The following KLHL13 variants were observed in gnomAD, a reference collection of about 807,000 sequenced individuals.
KLHL13 encodes kelch-like protein 13.
A neutral mutation model predicts 37.1 loss-of-function variants in KLHL13; 10 were observed. The ratio of observed to expected loss-of-function variants is 0.27; its 90% CI spans 0.17 to 0.46. The LOEUF is 0.46. Ranked by LOEUF, KLHL13 falls within the 20% of genes least tolerant of loss-of-function variation. The pLI is 1.00. For missense variants in KLHL13, 360 were observed against 509.3 expected (o/e 0.71, Z 2.82); for synonymous variants, 163 against 181.2 (o/e 0.90, Z 0.81).
At chrX:118,108,374 G>A (rs1024340213) in intron 1 of KLHL13, among the ~76,000 whole-genome samples, 2 of 112,108 alleles carry the variant, frequency 1.8e-5, no homozygotes, top group African/African-American at 6.5e-5. Context: ...CTGCAATAAT[G>A]AAAATCAGTT....
At chrX:117,930,976 T>C (rs1362039983) in intron 2 of KLHL13, among the ~76,000 whole-genome samples, 2 of 111,849 alleles carry the variant, frequency 1.8e-5, no homozygotes, top group Non-Finnish European at 3.8e-5. Context: ...GATCATAATG[T>C]TGAGAAAAAA....
chrX:118,003,400 A>C (rs1420795196), intron 1 of KLHL13, among the ~76,000 whole-genome samples: 1 of 111,620 alleles, frequency 9.0e-6, no homozygotes, highest in East Asian at 2.8e-4. Flanking sequence ...GTTTATATTT[A>C]TCACTGCTGT....
At chrX:118,100,838 C>G (rs2055280202) in intron 1 of KLHL13, among the ~76,000 whole-genome samples, 1 of 111,648 alleles carries the variant, frequency 9.0e-6, no homozygotes, top group Admixed American at 9.6e-5. Flanking sequence ...ATATCAAAAT[C>G]CTACCCAGTG....
At chrX:118,057,478 T>G (rs1208448773) in intron 1 of KLHL13, among the ~76,000 whole-genome samples, 4 of 112,286 alleles carry the variant, frequency 3.6e-5, no homozygotes, top group African/African-American at 1.3e-4. Flanking sequence ...AATAGATAAT[T>G]TGGACTTAAT....
chrX:118,107,730 TAGC>T (rs759107000), intron 1 of KLHL13, among the ~76,000 whole-genome samples: 2 of 111,449 alleles, frequency 1.8e-5, no homozygotes, highest in South Asian at 7.7e-4. Context: ...TTCAAGATCA[TAGC>T]CATTAAGCTC....
chrX:118,112,099 C>T (rs1341791760), intron 1 of KLHL13, among the ~76,000 whole-genome samples: 5 of 111,766 alleles, frequency 4.5e-5, no homozygotes, highest in Non-Finnish European at 9.4e-5. Flanking sequence ...TGGCCTAGCT[C>T]CAGAGCTTGA....
chrX:118,019,801 G>A (rs1265869707), intron 1 of KLHL13, among the ~76,000 whole-genome samples: 181 of 103,514 alleles, frequency 1.7e-3, no homozygotes, highest in African/African-American at 6.4e-3. Flanking sequence ...TCAGATAGTT[G>A]TAGATATGAG....
intron 1 of KLHL13, among the ~76,000 whole-genome samples, chrX:118,077,809 C>T (rs995256273): frequency 1.8e-5 from 2 of 111,084 alleles, no homozygotes; most frequent in African/African-American, 6.5e-5. Flanking sequence ...CAATTGTATT[C>T]ATAGTCATAG....
intron 4 of KLHL13, among the ~76,000 whole-genome samples, chrX:117,912,277 T>A (rs1931042156): frequency 9.0e-6 from 1 of 111,693 alleles, no homozygotes; most frequent in Admixed American, 9.5e-5. Flanking sequence ...AGTATGCAAA[T>A]TCTCATCATT....
At chrX:117,983,733 A>G (rs1287140231) in intron 1 of KLHL13, among the ~76,000 whole-genome samples, 1 of 111,980 alleles carries the variant, frequency 8.9e-6, no homozygotes, top group Non-Finnish European at 1.9e-5. Flanking sequence ...ACCCTTAACT[A>G]GAAAGCCATA....
At chrX:117,911,946 A>G (rs1931021630) in intron 4 of KLHL13, among the ~76,000 whole-genome samples, 1 of 112,319 alleles carries the variant, frequency 8.9e-6, no homozygotes, top group Non-Finnish European at 1.9e-5. Context: ...AAAATAAGTT[A>G]ACAAATTATG....
intron 2 of KLHL13, among the ~76,000 whole-genome samples, chrX:117,943,388 G>C (rs1245423887): frequency 9.0e-6 from 1 of 110,761 alleles, no homozygotes; most frequent in Non-Finnish European, 1.9e-5. Context: ...GCTAGGTTGG[G>C]GAAGTTCTCC....
chrX:118,080,433 C>T (rs1487888289), intron 1 of KLHL13, among the ~76,000 whole-genome samples: 2 of 110,651 alleles, frequency 1.8e-5, no homozygotes, highest in African/African-American at 3.3e-5. Flanking sequence ...CAAGAAACAA[C>T]CCCATTAAAA....
chrX:118,031,608 TATATATATATTTA>T (rs2054348882), intron 1 of KLHL13, among the ~76,000 whole-genome samples: 2 of 98,852 alleles, frequency 2.0e-5, no homozygotes, highest in African/African-American at 3.7e-5. Flanking sequence ...TATATTTAGT[TATATATATATTTA>T]GTTGTATATA....
chrX:117,938,786 CTGTT>C (rs1293621126), intron 2 of KLHL13, among the ~76,000 whole-genome samples: 1 of 109,350 alleles, frequency 9.1e-6, no homozygotes, highest in Non-Finnish European at 1.9e-5. Flanking sequence ...CTTTTCCTAT[CTGTT>C]TGACCCCTTA....
chrX:117,976,864 C>T (rs1227463197), upstream of KLHL13, among the ~76,000 whole-genome samples: 1 of 112,105 alleles, frequency 8.9e-6, no homozygotes, highest in African/African-American at 3.2e-5. Context: ...AAAGAGCCAA[C>T]TCTTAGAATG....
intron 1 of KLHL13, among the ~76,000 whole-genome samples, chrX:118,026,515 A>T (rs187432703): frequency 5.5e-4 from 61 of 111,745 alleles, no homozygotes; most frequent in Middle Eastern, 4.6e-3. Context: ...TTTATCACAA[A>T]GTTTGGGTGG....
intron 1 of KLHL13, among the ~76,000 whole-genome samples, chrX:118,028,791 A>C (rs1389619322): frequency 1.8e-5 from 2 of 112,160 alleles, no homozygotes; most frequent in Admixed American, 1.9e-4. Context: ...CAAGTGGAGT[A>C]GTCCTCCCTT....
intron 1 of KLHL13, among the ~76,000 whole-genome samples, chrX:118,003,860 T>C (rs1162264273): frequency 3.6e-5 from 4 of 110,009 alleles, no homozygotes; most frequent in Non-Finnish European, 5.7e-5. Context: ...CCAAGCAAAG[T>C]AGGCATGCCC....
Sources: allele counts gnomAD v4.1 joint callset (sites outside exome capture counted in the v4.1 genomes callset), GRCh38; gene constraint gnomAD v4.1.1; transcripts MANE v1.5; gene names NCBI Gene and HGNC (gene_info 2026-07-23, HGNC 2026-07-21).